NDRG2: variants seen among roughly 807,000 people sequenced by gnomAD.
NDRG2 encodes protein NDRG2.
Under a neutral mutation model 58.2 loss-of-function variants are expected in NDRG2, and 34 were observed. That is an observed-to-expected ratio of 0.58 (90% CI 0.44 to 0.78). The LOEUF (loss-of-function observed/expected upper bound fraction) is 0.78, where lower values mean the gene tolerates loss of function less well. NDRG2 is among the 30% of genes least tolerant of loss of function. NDRG2 has a pLI of 0.00. For missense variants in NDRG2, 434 were observed against 471.2 expected, an observed-to-expected ratio of 0.92 and a Z score of 0.73; for synonymous variants, 187 against 175.9, an observed-to-expected ratio of 1.06 and a Z score of -0.50.
intron 1 of NDRG2, chr14:21,032,443 CA>C: frequency 2.4e-6 from 1 of 412,584 alleles, no homozygotes; most frequent in Non-Finnish European, 4.8e-6. Context: ...CCCCACCCCT[CA>C]AAAGGGTGTA....
rs572208677 is a variant in NDRG2, at chr14:21,016,895, G to A, written c.*701C>T. On this transcript the variant is annotated 3_prime_UTR_variant, in exon 16 of 16. Transcript: ENST00000556147. Reference sequence around the variant, plus strand: ...CTTTCCACCCTATGCCAAGCCCCAAGCAGCCCAGCCCAAGCTTAGCTCCCT... The same window carrying A: ...CTTTCCACCCTATGCCAAGCCCCAAACAGCCCAGCCCAAGCTTAGCTCCCT... 8.8e-6 allele frequency: 4 copies of A among 456,558 alleles called. No homozygotes were observed. Among genetic ancestry groups the A allele is most frequent in the South Asian group, 1.5e-5 (1 of 64,554 alleles). The allele number at this position is 456,558 out of a possible 1,614,324, so 28.3% of individuals were successfully genotyped here. A position where few individuals can be genotyped will look rare whatever the true frequency, so the allele number is the denominator to read the frequency against.
intron 1 of NDRG2, chr14:21,043,075 C>G (rs1304364293): frequency 1.2e-6 from 2 of 1,614,076 alleles, no homozygotes; most frequent in Admixed American, 3.3e-5. Context: ...CCAGTCAGTG[C>G]CAAGCCCAAG....
At chr14:21,031,851 T>C (rs752251134) in intron 1 of NDRG2, 1 of 1,595,784 alleles carries the variant, frequency 6.3e-7, no homozygotes, top group East Asian at 2.2e-5. Flanking sequence ...TATGACAGCG[T>C]AAGGAAAGGA....
chr14:21,060,808 T>C lies in NDRG2; in HGVS notation c.24+10020A>G, dbSNP rs113662147. Among the ~76,000 whole-genome samples the C allele has an allele frequency of 7.5e-3, 1,150 of 152,328 alleles. 16 individuals are homozygous for C. Among genetic ancestry groups the C allele is most frequent in the African/African-American group, 0.026 (1,083 of 41,572 alleles). On this transcript the variant is annotated intron_variant, in intron 1 of 14. Coordinates refer to the NDRG2 transcript ENST00000403829. Reference sequence around the variant, plus strand: ...CATACTCGATCATTCAAAGTCCTAATCTAAGACACACCTGTGTCAACTCGT... The same window carrying C: ...CATACTCGATCATTCAAAGTCCTAACCTAAGACACACCTGTGTCAACTCGT...
At chr14:21,045,648 T>C (rs1885109732) in intron 1 of NDRG2, among the ~76,000 whole-genome samples, 1 of 152,274 alleles carries the variant, frequency 6.6e-6, no homozygotes, top group Non-Finnish European at 1.5e-5. Context: ...AGAGACATTC[T>C]CCTCACAAAA....
intron 1 of NDRG2, among the ~76,000 whole-genome samples, chr14:21,063,236 G>A (rs1258748472): frequency 2.0e-5 from 3 of 152,144 alleles, no homozygotes; most frequent in Non-Finnish European, 2.9e-5. Context: ...GTGTGTATGT[G>A]TGTGTGTGTA....
In NDRG2 at chr14:21,070,489, C is replaced by G; in HGVS notation, c.24+339G>C. The stretch of plus-strand genomic sequence containing the variant: ...AGTCCTCAGCCTGGTGCCTCCCGAG[C>G]CTGCCTCGGACTGTTCGGCCCCTCT... On this transcript the variant is annotated intron_variant, in intron 1 of 14. Transcript: ENST00000403829. This position sits in a 1 kb window ranked among gnomAD's most constrained non-coding sequence, Gnocchi z 4.7. 2 of 1,341,492 alleles carry G rather than the reference C, an allele frequency of 1.5e-6. No homozygotes were observed. The highest frequency in any genetic ancestry group is 1.9e-6 in the Non-Finnish European group (2 of 1,044,508). The allele number at this position is 1,341,492 out of a possible 1,614,324, so 83.1% of individuals were successfully genotyped here.
intron 11 of NDRG2, 119 bp downstream of exon 11, chr14:21,018,997 G>T: frequency 1.6e-6 from 2 of 1,281,056 alleles, no homozygotes; most frequent in Non-Finnish European, 2.2e-6. Flanking sequence ...TTACCAAATA[G>T]GATGGGGTGG....
intron 1 of NDRG2, among the ~76,000 whole-genome samples, chr14:21,053,040 C>T (rs558151129): frequency 3.3e-5 from 5 of 152,176 alleles, no homozygotes; most frequent in African/African-American, 4.8e-5. Flanking sequence ...CAACTGGAAG[C>T]GCCAAAAACA....
intron 1 of NDRG2, chr14:21,023,533 C>A: frequency 1.8e-6 from 1 of 569,992 alleles, no homozygotes; most frequent in Non-Finnish European, 3.1e-6. Flanking sequence ...CAGGACAGCC[C>A]TTCTCTTGAT....
chr14:21,046,212 T>C (rs1465578416), intron 1 of NDRG2, among the ~76,000 whole-genome samples: 1 of 152,186 alleles, frequency 6.6e-6, no homozygotes, highest in Non-Finnish European at 1.5e-5. Context: ...CTTGTGGTGT[T>C]TATTAAATTG....
chr14:21,064,572 G>T (rs527471233), intron 1 of NDRG2, among the ~76,000 whole-genome samples: 51 of 152,300 alleles, frequency 3.3e-4, no homozygotes, highest in Non-Finnish European at 6.3e-4. Flanking sequence ...AAAGTCCTGG[G>T]ATTACAGGTG....
chr14:21,038,606 G>A (rs563324288), intron 1 of NDRG2, among the ~76,000 whole-genome samples: 8 of 152,298 alleles, frequency 5.3e-5, no homozygotes, highest in South Asian at 2.1e-4. Context: ...GGGGGAAACC[G>A]GTCTGGCTGG....
chr14:21,039,251 T>C (rs1884783067), intron 1 of NDRG2, among the ~76,000 whole-genome samples: 1 of 152,184 alleles, frequency 6.6e-6, no homozygotes, highest in Non-Finnish European at 1.5e-5. Context: ...CACCTGGCAC[T>C]GTTGGGATTT....
At chr14:21,038,232 G>A (rs1884740787) in intron 1 of NDRG2, among the ~76,000 whole-genome samples, 1 of 152,182 alleles carries the variant, frequency 6.6e-6, no homozygotes, top group Non-Finnish European at 1.5e-5. Context: ...GATCATTCAG[G>A]AGCAGACGGA....
At position 21,024,263 on chromosome 14, in the gene NDRG2, T is replaced by C. The variant is rs929211335; in HGVS notation, c.-240A>G. The C allele has an allele frequency of 4.1e-6, 4 of 985,314 alleles. No homozygotes were observed. Among genetic ancestry groups the C allele is most frequent in the Admixed American group, 6.2e-5 (1 of 16,252 alleles). The allele number at this position is 985,314 out of a possible 1,614,324, so 61.0% of individuals were successfully genotyped here. A position where few individuals can be genotyped will look rare whatever the true frequency, so the allele number is the denominator to read the frequency against. ...CTAAGTCCAGAGAACACGTCCTCTC[T>C]AGGCTCGAGCCGGAATCAATATAGG... On this transcript the variant is annotated 5_prime_UTR_variant, in exon 1 of 16. Transcript: ENST00000556147.
chr14:21,019,887 G>C (rs1243448), intron 9 of NDRG2, 33 bp downstream of exon 9: 1,402,305 of 1,611,132 alleles, frequency 0.87, 611,202 homozygotes, highest in East Asian at 1. Context: ...TGCTGCTCCC[G>C]TCGACTCTTC....
At chr14:21,064,153 C>T (rs12881221) in intron 1 of NDRG2, among the ~76,000 whole-genome samples, 18,800 of 152,116 alleles carry the variant, frequency 0.12, 1,491 homozygotes, top group Admixed American at 0.2. Flanking sequence ...TAAAATATGT[C>T]GAATGGGAAT....
intron 1 of NDRG2, chr14:21,033,953 G>A: frequency 6.2e-7 from 1 of 1,614,040 alleles, no homozygotes; most frequent in Non-Finnish European, 8.5e-7. Flanking sequence ...GGCTCAGGGA[G>A]CAGACCGTGA....
Sources: allele counts gnomAD v4.1 joint callset (sites outside exome capture counted in the v4.1 genomes callset), GRCh38; gene constraint gnomAD v4.1.1; non-coding constraint Gnocchi (gnomAD v3.1); transcripts MANE v1.5; gene names NCBI Gene and HGNC (gene_info 2026-07-23, HGNC 2026-07-21).